The following COL4A5 variants were observed in gnomAD, a reference collection of about 807,000 sequenced individuals.
COL4A5 encodes the protein collagen alpha-5(IV) chain.
COL4A5 carries 26 observed loss-of-function variants against 130.2 expected under a neutral mutation model. The observed-to-expected ratio is 0.20, with a 90% CI of 0.15 to 0.28. The LOEUF is 0.28. Ranked by LOEUF, COL4A5 falls within the 10% of genes least tolerant of loss-of-function variation. The pLI, the probability that COL4A5 is intolerant of heterozygous loss-of-function variation, is 1.00. For synonymous variants in COL4A5, 496 were observed against 439.6 expected (o/e 1.13, Z -1.60); for missense variants, 1,131 against 1,344.3 (o/e 0.84, Z 2.48).
chrX:108,546,970 A>T (rs957834148), intron 2 of COL4A5, among the ~76,000 whole-genome samples: 2 of 111,937 alleles, frequency 1.8e-5, no homozygotes, highest in African/African-American at 6.5e-5. Context: ...CAGGTCCTTT[A>T]AGGACTTCTC....
At chrX:108,576,818 G>A (rs1344362673) in intron 10 of COL4A5, among the ~76,000 whole-genome samples, 1 of 112,190 alleles carries the variant, frequency 8.9e-6, no homozygotes, top group Non-Finnish European at 1.9e-5. Context: ...AAAAGATTGT[G>A]ATTTCTGCTT....
intron 1 of COL4A5, among the ~76,000 whole-genome samples, chrX:108,467,882 G>T (rs944765197): frequency 6.3e-5 from 7 of 111,507 alleles, no homozygotes; most frequent in African/African-American, 2.3e-4. Context: ...ATTAGCTTTA[G>T]TAGTTTATTT....
intron 36 of COL4A5, chrX:108,627,597 G>A: frequency 2.9e-6 from 2 of 695,253 alleles, no homozygotes; most frequent in Non-Finnish European, 3.4e-6. Flanking sequence ...TGTAATTGTT[G>A]GATCAAAGGA....
intron 31 of COL4A5, 106 bp from the exon 32 acceptor site, chrX:108,621,697 C>A: frequency 1.6e-6 from 1 of 607,616 alleles, no homozygotes; most frequent in Non-Finnish European, 2.7e-6. Context: ...CTTAACAGTG[C>A]CTTACGTCCA....
At chrX:108,690,880 T>A (rs1487803648) in intron 49 of COL4A5, among the ~76,000 whole-genome samples, 1 of 112,122 alleles carries the variant, frequency 8.9e-6, no homozygotes, top group Non-Finnish European at 1.9e-5. Context: ...ATTGTAGCAC[T>A]ATTCACAATA....
chrX:108,667,756 A>G (rs1337339853), intron 40 of COL4A5, among the ~76,000 whole-genome samples: 3 of 110,918 alleles, frequency 2.7e-5, no homozygotes, highest in Non-Finnish European at 5.7e-5. Context: ...TCAAATAGAT[A>G]TCCTTCCCAT....
At chrX:108,692,414 T>G (rs1190178714) in intron 49 of COL4A5, among the ~76,000 whole-genome samples, 1 of 111,269 alleles carries the variant, frequency 9.0e-6, no homozygotes, top group Non-Finnish European at 1.9e-5. Context: ...TAAGATATCG[T>G]AAGGACTCAG....
rs2068572585 is a variant in COL4A5, at chrX:108,687,574, A to T, written c.4408A>T (p.Ile1470Phe). 1 of 1,209,464 alleles carries T rather than the reference A, an allele frequency of 8.3e-7. No homozygotes were observed. The highest frequency in any genetic ancestry group is 1.8e-5 in the South Asian group (1 of 56,785). ...CTCCTCTGTTGCACATGGATTTCTT[A>T]TTACACGCCACAGCCAGACAACGGA... is the stretch of plus-strand genomic sequence containing the variant. ...GTSSVAHGFL[I>F]TRHSQTTDAP... The change falls in exon 49 of 53, where the codon ATT becomes TTT. Residue 1470 changes from isoleucine (I) to phenylalanine (F), a missense_variant. Ile to Phe is a conservative substitution (Grantham distance 21). Transcript: ENST00000328300.
chrX:108,549,508 G>A (rs1308631174), intron 2 of COL4A5, among the ~76,000 whole-genome samples: 1 of 111,558 alleles, frequency 9.0e-6, no homozygotes, highest in Non-Finnish European at 1.9e-5. Context: ...GCTGGACCAA[G>A]GAATAAATCA....
chrX:108,586,761 C>T lies in COL4A5; in HGVS notation c.1165+14C>T, dbSNP rs1569492184. 6 of 1,203,363 alleles carry T rather than the reference C, an allele frequency of 5.0e-6. No homozygotes were observed. The highest frequency in any genetic ancestry group is 6.8e-6 in the Non-Finnish European group (6 of 888,608). Reference sequence around the variant, plus strand: ...CTGGACCTCCAGGTAAATGAGATTGCATTTATGGCCTTGTTCTTATAGCAT... The same window carrying T: ...CTGGACCTCCAGGTAAATGAGATTGTATTTATGGCCTTGTTCTTATAGCAT... On this transcript the variant is annotated intron_variant, in intron 19 of 52. Coordinates refer to ENST00000328300, the MANE Select transcript of COL4A5 (RefSeq NM_033380.3).
At chrX:108,660,501 T>C (rs1175975442) in intron 37 of COL4A5, among the ~76,000 whole-genome samples, 1 of 112,197 alleles carries the variant, frequency 8.9e-6, no homozygotes, top group Admixed American at 9.5e-5. Flanking sequence ...AATTTTTCAC[T>C]GGATATAGAA....
intron 1 of COL4A5, among the ~76,000 whole-genome samples, chrX:108,511,139 C>A (rs1256200169): frequency 1.8e-5 from 2 of 111,531 alleles, no homozygotes; most frequent in Non-Finnish European, 3.8e-5. Flanking sequence ...ATATATAATT[C>A]TTTCTTTCTA....
At chrX:108,667,956 A>G (rs950853740) in intron 40 of COL4A5, among the ~76,000 whole-genome samples, 1 of 111,712 alleles carries the variant, frequency 9.0e-6, no homozygotes, top group Admixed American at 9.5e-5. Flanking sequence ...AATTAGACTC[A>G]AAATATTTGT....
At chrX:108,480,901 A>G (rs2064882672) in intron 1 of COL4A5, among the ~76,000 whole-genome samples, 1 of 111,892 alleles carries the variant, frequency 8.9e-6, no homozygotes, top group Non-Finnish European at 1.9e-5. Flanking sequence ...CACGGATACG[A>G]TATTGTTGTT....
chrX:108,562,491 A>G (rs1394615324), intron 3 of COL4A5, among the ~76,000 whole-genome samples: 3 of 112,175 alleles, frequency 2.7e-5, no homozygotes. Flanking sequence ...ACTATTCTAC[A>G]ATAACATGAT....
intron 3 of COL4A5, 39 bp from the exon 4 acceptor site, chrX:108,563,843 T>C: frequency 8.5e-7 from 1 of 1,170,895 alleles, no homozygotes. Context: ...TTGAGGACTT[T>C]TTTGACGGAC....
At chrX:108,564,724 T>G (rs16985522) in intron 4 of COL4A5, among the ~76,000 whole-genome samples, 10,714 of 111,751 alleles carry the variant, frequency 0.096, 1,153 homozygotes, top group African/African-American at 0.32. Flanking sequence ...CATAGATTGA[T>G]GAAGCTCTCT....
In COL4A5 at chrX:108,584,607, T is replaced by C. The variant is rs771314622; in HGVS notation, c.1032+82T>C. The C allele has an allele frequency of 3.3e-5, 27 of 807,483 alleles. 1 individual carries two copies. In the South Asian group the frequency reaches 6.0e-4, roughly 18 times the overall value. The allele number at this position is 807,483 out of a possible 1,213,427, so 66.5% of individuals were successfully genotyped here. ...TGTGCCTTAATCGCATACTCCCTACTTTTTCTTGATAGAACACAAAATTTC... is the reference window on the plus strand; with the variant it reads ...TGTGCCTTAATCGCATACTCCCTACCTTTTCTTGATAGAACACAAAATTTC... On this transcript the variant is annotated intron_variant, in intron 18 of 52. Coordinates refer to ENST00000328300, the MANE Select transcript of COL4A5 (RefSeq NM_033380.3).
chrX:108,635,953 C>A (rs2067344506), intron 36 of COL4A5, among the ~76,000 whole-genome samples: 1 of 111,761 alleles, frequency 8.9e-6, no homozygotes, highest in South Asian at 3.7e-4. Flanking sequence ...AAAGATGGGA[C>A]AATAAATTCT....
Sources: allele counts gnomAD v4.1 joint callset (sites outside exome capture counted in the v4.1 genomes callset), GRCh38; gene constraint gnomAD v4.1.1; transcripts MANE v1.5; gene names NCBI Gene and HGNC (gene_info 2026-07-23, HGNC 2026-07-21).